The following PRXL2C variants were observed in gnomAD, a reference collection of about 807,000 sequenced individuals.
PRXL2C encodes peroxiredoxin-like 2C.
PRXL2C carries 38 observed loss-of-function variants against 24.9 expected under a neutral mutation model. That is an observed-to-expected ratio of 1.53 (90% CI 1.18 to 2.00). The LOEUF is 2.00. Ranked by LOEUF, PRXL2C falls within the 30% of genes most tolerant of loss-of-function variation. The probability of loss-of-function intolerance (pLI) is 0.00; values close to 1 mark genes in which losing one functional copy is unlikely to be tolerated. For synonymous variants in PRXL2C, 98 were observed against 117.2 expected, an observed-to-expected ratio of 0.84 and a Z score of 1.06; for missense variants, 294 against 290.9, an observed-to-expected ratio of 1.01 and a Z score of -0.08.
chr9:96,649,903 A>G (rs773315106), intron 4 of PRXL2C, among the ~76,000 whole-genome samples: 4 of 152,198 alleles, frequency 2.6e-5, no homozygotes, highest in Non-Finnish European at 5.9e-5. Flanking sequence ...GCTCACACCA[A>G]TTCCCCTAAC....
At chr9:96,648,727 A>C (rs1423523231) in intron 4 of PRXL2C, among the ~76,000 whole-genome samples, 1 of 152,228 alleles carries the variant, frequency 6.6e-6, no homozygotes, top group Non-Finnish European at 1.5e-5. Context: ...TGTGACAATG[A>C]ATAGTGAGGT....
intron 1 of PRXL2C, 158 bp downstream of exon 1, chr9:96,654,932 C>T: frequency 5.0e-6 from 6 of 1,199,658 alleles, no homozygotes; most frequent in Non-Finnish European, 5.5e-6. Context: ...GGGCCTCGCC[C>T]TCGCCCTCTC....
chr9:96,642,632 G>A (rs1056206713), intron 5 of PRXL2C, among the ~76,000 whole-genome samples: 1 of 148,402 alleles, frequency 6.7e-6, no homozygotes, highest in African/African-American at 2.5e-5. Context: ...TGCAACCTCC[G>A]CCTTCTGGGT....
chr9:96,652,966 G>A (rs1464770784), intron 2 of PRXL2C, among the ~76,000 whole-genome samples: 2 of 152,278 alleles, frequency 1.3e-5, no homozygotes, highest in Admixed American at 6.5e-5. Flanking sequence ...GGTGGCTCAC[G>A]CCTGTAATCC....
chr9:96,648,731 G>C (rs921230441), intron 4 of PRXL2C, among the ~76,000 whole-genome samples: 1 of 152,080 alleles, frequency 6.6e-6, no homozygotes, highest in Non-Finnish European at 1.5e-5. Context: ...ACAATGAATA[G>C]TGAGGTGTTA....
At chr9:96,654,115 C>T (rs1017172129) in intron 2 of PRXL2C, among the ~76,000 whole-genome samples, 1 of 152,202 alleles carries the variant, frequency 6.6e-6, no homozygotes, top group African/African-American at 2.4e-5. Flanking sequence ...GCTGGGATTA[C>T]AGGCGTGAGC....
chr9:96,653,226 CAA>C (rs564015906), intron 2 of PRXL2C, among the ~76,000 whole-genome samples: 10 of 98,920 alleles, frequency 1.0e-4, no homozygotes, highest in Non-Finnish European at 8.1e-5. Flanking sequence ...GACTCCATCT[CAA>C]AAAAAAAAAA....
intron 4 of PRXL2C, among the ~76,000 whole-genome samples, chr9:96,646,722 T>C (rs1329898274): frequency 2.0e-5 from 3 of 152,122 alleles, no homozygotes; most frequent in Non-Finnish European, 2.9e-5. Context: ...AAGCACAAGA[T>C]GGAGGGTGCC....
At chr9:96,645,155 C>A (rs572639472) in intron 5 of PRXL2C, among the ~76,000 whole-genome samples, 5 of 151,060 alleles carry the variant, frequency 3.3e-5, no homozygotes, top group Non-Finnish European at 7.4e-5. Flanking sequence ...GTGATCCGCC[C>A]GCCTTGGCCT....
In PRXL2C at chr9:96,645,920, G is replaced by C; in HGVS notation, c.526C>G (p.Gln176Glu). ...LFDFQGDPAQ[Q>E]GGTLILGPGN... is the part of the protein sequence containing the mutation. The stretch of plus-strand genomic sequence containing the variant: ...GGACCTAAAATGAGGGTTCCACCTT[G>C]CTGAGCTGGGTCTCCTTGAAAATCA... The change falls in exon 5 of 6, where the codon CAA (glutamine) becomes GAA (glutamate). Residue 176 changes from glutamine to glutamate, a missense_variant. Gln to Glu is a conservative substitution (Grantham distance 29). Transcript: ENST00000375234. The C allele has an allele frequency of 1.2e-6, 2 of 1,613,132 alleles. No homozygotes were observed. The highest frequency in any genetic ancestry group is 1.7e-6 in the Non-Finnish European group (2 of 1,179,800).
At position 96,654,704 on chromosome 9, in the gene PRXL2C, C is replaced by T; in HGVS notation, c.261+1G>A. ...TGGGCCGCCCACGCTGGGAAACTCA[C>T]TTGTAAGAAACTCCTGGGGATTTTG... On this transcript the variant is annotated splice_donor_variant, in intron 2 of 5. Transcript: ENST00000375234. LOFTEE classifies it high-confidence loss of function. 1 of 1,561,190 alleles carries T rather than the reference C, an allele frequency of 6.4e-7. No individual in the cohort carries two copies. The highest frequency in any genetic ancestry group is 1.4e-5 in the African/African-American group (1 of 73,890).
chr9:96,648,581 C>T (rs956862362), intron 4 of PRXL2C, among the ~76,000 whole-genome samples: 2 of 151,806 alleles, frequency 1.3e-5, no homozygotes, highest in Non-Finnish European at 2.9e-5. Flanking sequence ...TTTATGAGAA[C>T]CTAATATTTT....
chr9:96,652,939 C>A (rs763539911), intron 2 of PRXL2C, among the ~76,000 whole-genome samples: 1 of 151,910 alleles, frequency 6.6e-6, no homozygotes, highest in African/African-American at 2.4e-5. Context: ...AAAGAAAATG[C>A]GGTATCGGCC....
chr9:96,648,387 C>T (rs1306305488), intron 4 of PRXL2C, among the ~76,000 whole-genome samples: 1 of 152,066 alleles, frequency 6.6e-6, no homozygotes, highest in Non-Finnish European at 1.5e-5. Flanking sequence ...AAACCCAGTA[C>T]TCCCTTGTAT....
Position 96,653,244 on chromosome 9 carries a change from A to G in PRXL2C, c.261+1461T>C, listed in dbSNP as rs1021703081. On this transcript the variant is annotated intron_variant, in intron 2 of 5. Transcript: ENST00000375234. ...TCCATCTCAAAAAAAAAAAAAGAAGAAAAGAAAATACGGTATCACATTTGG... is the reference window on the plus strand; with the variant it reads ...TCCATCTCAAAAAAAAAAAAAGAAGGAAAGAAAATACGGTATCACATTTGG... 3.2e-3 allele frequency among the ~76,000 whole-genome samples: 407 copies of G among 128,956 alleles called. 5 individuals carry two copies. The highest frequency in any genetic ancestry group is 0.019 in the African/African-American group (384 of 19,962). 84.6% of individuals were successfully genotyped at this position (128,956 alleles called of 152,430 possible). A position where few individuals can be genotyped will look rare whatever the true frequency, so the allele number is the denominator to read the frequency against.
Position 96,639,847 on chromosome 9 carries a change from C to T in PRXL2C, c.*1912G>A, listed in dbSNP as rs1848091915. ...GTGGCTCATGCCTATAATCCTAGCA[C>T]TTTGGGAGGCTGAGGCAGGCAGATC... On this transcript the variant is annotated 3_prime_UTR_variant, in exon 6 of 6. Coordinates refer to ENST00000375234, the MANE Select transcript of PRXL2C (RefSeq NM_153698.2). 1 of 152,074 alleles carries T rather than the reference C, an allele frequency of 6.6e-6. No individual in the cohort carries two copies. Among genetic ancestry groups the T allele is most frequent in the Non-Finnish European group, 1.5e-5 (1 of 68,038 alleles). The allele number at this position is 152,074 out of a possible 1,614,324, so 9.4% of individuals were successfully genotyped here. A position where few individuals can be genotyped will look rare whatever the true frequency, so the allele number is the denominator to read the frequency against.
intron 5 of PRXL2C, among the ~76,000 whole-genome samples, chr9:96,645,070 C>T (rs10978445): frequency 6.6e-6 from 1 of 151,010 alleles, no homozygotes; most frequent in South Asian, 2.1e-4. Flanking sequence ...CCACGTCCGG[C>T]TAATTTTTTT....
At chr9:96,653,444 G>C (rs1848302182) in intron 2 of PRXL2C, among the ~76,000 whole-genome samples, 1 of 152,064 alleles carries the variant, frequency 6.6e-6, no homozygotes. Flanking sequence ...GGTTACTCAG[G>C]GATAAGGAAA....
intron 3 of PRXL2C, 75 bp from the exon 4 acceptor site, chr9:96,651,570 C>A: frequency 6.5e-7 from 1 of 1,548,602 alleles, no homozygotes; most frequent in Non-Finnish European, 8.9e-7. Context: ...CTTCAGCCAA[C>A]TTAGCCTACA....
Sources: allele counts gnomAD v4.1 joint callset (sites outside exome capture counted in the v4.1 genomes callset), GRCh38; gene constraint gnomAD v4.1.1; transcripts MANE v1.5; gene names NCBI Gene and HGNC (gene_info 2026-07-23, HGNC 2026-07-21).